NALCN: variants seen among roughly 807,000 people sequenced by gnomAD.
NALCN encodes the protein sodium leak channel NALCN.
Under a neutral mutation model 225.3 loss-of-function variants are expected in NALCN, and 111 were observed. The observed-to-expected ratio is 0.49, with a 90% confidence interval of 0.42 to 0.58. NALCN has a LOEUF of 0.58. Ranked by LOEUF, NALCN falls within the 20% of genes least tolerant of loss-of-function variation. The pLI is 0.00. For missense variants in NALCN, 1,378 were observed against 2,202.4 expected (o/e 0.63, Z 7.49); for synonymous variants, 764 against 769.0 (o/e 0.99, Z 0.11).
At chr13:101,181,957 C>A (rs1301263843) in intron 14 of NALCN, among the ~76,000 whole-genome samples, 1 of 151,742 alleles carries the variant, frequency 6.6e-6, no homozygotes, top group Non-Finnish European at 1.5e-5. Context: ...CATGGTGAAA[C>A]CCCGTTTCTA....
At chr13:101,346,873 T>C (rs75518974) in intron 6 of NALCN, among the ~76,000 whole-genome samples, 3,068 of 152,218 alleles carry the variant, frequency 0.02, 109 homozygotes, top group African/African-American at 0.07. Context: ...GCCTTCTAAA[T>C]CCATAATTGT....
intron 15 of NALCN, among the ~76,000 whole-genome samples, chr13:101,162,691 A>C (rs17678261): frequency 0.073 from 11,150 of 152,332 alleles, 502 homozygotes; most frequent in East Asian, 0.19. Flanking sequence ...TGAAAGAAAA[A>C]GTGCTGCGAG....
chr13:101,200,039 G>A (rs897972420), intron 13 of NALCN, among the ~76,000 whole-genome samples: 1 of 151,882 alleles, frequency 6.6e-6, no homozygotes, highest in Non-Finnish European at 1.5e-5. Context: ...CTCACTACCT[G>A]CTTGATCTCA....
chr13:101,379,647 A>G (rs2046791731), intron 3 of NALCN, among the ~76,000 whole-genome samples: 3 of 152,144 alleles, frequency 2.0e-5, no homozygotes, highest in Admixed American at 6.6e-5. Flanking sequence ...GTTCTCACTC[A>G]TAAGTGGGAG....
chr13:101,374,617 A>G (rs1449974498), intron 6 of NALCN, among the ~76,000 whole-genome samples: 1 of 152,170 alleles, frequency 6.6e-6, no homozygotes, highest in East Asian at 1.9e-4. Context: ...TAGGTATGAG[A>G]TGCATGCCTT....
intron 10 of NALCN, among the ~76,000 whole-genome samples, chr13:101,271,610 TGA>T (rs1174290470): frequency 6.6e-6 from 1 of 150,488 alleles, no homozygotes; most frequent in East Asian, 2.0e-4. Flanking sequence ...CGCCTGTGTG[TGA>T]GTGTATGTGT....
chr13:101,195,933 A>G (rs1206075735), intron 13 of NALCN, among the ~76,000 whole-genome samples: 4 of 152,138 alleles, frequency 2.6e-5, no homozygotes, highest in Non-Finnish European at 5.9e-5. Context: ...TTGTTTTTCT[A>G]TCATAATTGG....
At chr13:101,129,878 C>T (rs116594638) in intron 17 of NALCN, among the ~76,000 whole-genome samples, 1 of 151,900 alleles carries the variant, frequency 6.6e-6, no homozygotes, top group Non-Finnish European at 1.5e-5. Context: ...CCTTGCCCCC[C>T]ACCCCGATAG....
At chr13:101,237,391 C>T (rs974100985) in intron 12 of NALCN, among the ~76,000 whole-genome samples, 1 of 151,914 alleles carries the variant, frequency 6.6e-6, no homozygotes, top group Admixed American at 6.6e-5. Context: ...ATTAATGTTT[C>T]CTAGTCTTTA....
At position 101,083,694 on chromosome 13, in the gene NALCN, C is replaced by T. The variant is rs1185109959; in HGVS notation, c.3583+17G>A. ...CACTAGTGCCCAACATGAATAAAAT[C>T]AGAGCATTTTGGGTACCCGGGCGAG... On this transcript the variant is annotated intron_variant, in intron 31 of 43. Coordinates refer to ENST00000251127, the MANE Select transcript of NALCN (RefSeq NM_052867.4). 2 of 1,610,950 alleles carry T rather than the reference C, an allele frequency of 1.2e-6. No individual in the cohort carries two copies. The highest frequency in any genetic ancestry group is 1.7e-6 in the Non-Finnish European group (2 of 1,177,452).
chr13:101,370,340 T>C (rs983200275), intron 6 of NALCN, among the ~76,000 whole-genome samples: 17 of 152,198 alleles, frequency 1.1e-4, no homozygotes, highest in Admixed American at 1.0e-3. Flanking sequence ...AAAACCTGCA[T>C]TCCAAAATGT....
intron 18 of NALCN, among the ~76,000 whole-genome samples, chr13:101,124,098 T>C (rs1019690622): frequency 2.0e-5 from 3 of 152,238 alleles, no homozygotes; most frequent in Non-Finnish European, 4.4e-5. Flanking sequence ...GTCGGTTGCT[T>C]AGTTTTCCTC....
intron 28 of NALCN, 119 bp downstream of exon 28, chr13:101,095,455 A>G (rs2139575154): frequency 1.3e-6 from 1 of 762,934 alleles, no homozygotes; most frequent in Admixed American, 2.9e-5. Context: ...TGTATGACTT[A>G]AGATCATTTT....
intron 30 of NALCN, among the ~76,000 whole-genome samples, chr13:101,088,271 G>A (rs1256265031): frequency 6.6e-6 from 1 of 152,086 alleles, no homozygotes; most frequent in Non-Finnish European, 1.5e-5. Flanking sequence ...TGGCTAACTG[G>A]TACCACTCAC....
chr13:101,409,873 C>T (rs72654892), intron 1 of NALCN, among the ~76,000 whole-genome samples: 10,245 of 152,178 alleles, frequency 0.067, 423 homozygotes, highest in Non-Finnish European at 0.094. Context: ...CACTATAAAC[C>T]GAATGGTTCT....
chr13:101,302,572 G>A (rs1209184416), intron 7 of NALCN, among the ~76,000 whole-genome samples: 1 of 152,016 alleles, frequency 6.6e-6, no homozygotes, highest in East Asian at 1.9e-4. Flanking sequence ...GTTCTTATTT[G>A]TATTACGATA....
intron 7 of NALCN, among the ~76,000 whole-genome samples, chr13:101,297,888 C>G (rs2043814448): frequency 6.6e-6 from 1 of 152,196 alleles, no homozygotes; most frequent in Admixed American, 6.5e-5. Context: ...CTAAATGACT[C>G]TTTCTGATCC....
intron 7 of NALCN, among the ~76,000 whole-genome samples, chr13:101,321,825 A>G (rs552124572): frequency 6.6e-6 from 1 of 152,200 alleles, no homozygotes; most frequent in Non-Finnish European, 1.5e-5. Context: ...GTCATACATT[A>G]AACTCATAAT....
At chr13:101,085,660 C>T (rs1215617704) in intron 30 of NALCN, among the ~76,000 whole-genome samples, 1 of 151,948 alleles carries the variant, frequency 6.6e-6, no homozygotes, top group East Asian at 1.9e-4. Context: ...TCACACTGTA[C>T]CCGATAAATA....
Sources: gnomAD v4.1 joint callset for allele counts (sites outside exome capture counted in the v4.1 genomes callset) on GRCh38, gnomAD v4.1.1 for gene constraint, MANE v1.5 for transcripts, NCBI Gene and HGNC (gene_info 2026-07-23, HGNC 2026-07-21) for gene names.